Variants in EPB41L2 observed in about 807,000 individuals in gnomAD.
EPB41L2 encodes band 4.1-like protein 2.
Under a neutral mutation model 113.0 loss-of-function variants are expected in EPB41L2, and 43 were observed. That is an observed-to-expected ratio of 0.38 (90% confidence interval 0.30 to 0.49). The LOEUF (loss-of-function observed/expected upper bound fraction) is 0.49, where lower values mean the gene tolerates loss of function less well. EPB41L2 is among the 20% of genes least tolerant of loss of function. The probability of loss-of-function intolerance (pLI) is 0.95; values close to 1 mark genes in which losing one functional copy is unlikely to be tolerated. For synonymous variants in EPB41L2, 442 were observed against 436.7 expected, an observed-to-expected ratio of 1.01 and a Z score of -0.15; for missense variants, 1,147 against 1,223.4, an observed-to-expected ratio of 0.94 and a Z score of 0.93.
intron 1 of EPB41L2, chr6:131,013,650 T>C (rs1562732665): frequency 6.6e-6 from 1 of 152,218 alleles, no homozygotes; most frequent in African/African-American, 2.4e-5. Context: ...TCAGACCTTT[T>C]GGCAGCAACA....
chr6:131,037,361 T>C (rs1023259477), intron 1 of EPB41L2, among the ~76,000 whole-genome samples: 3 of 152,120 alleles, frequency 2.0e-5, no homozygotes, highest in Non-Finnish European at 4.4e-5. Flanking sequence ...TTAACGCTAC[T>C]TGTGGGAGTT....
At chr6:130,949,605 A>G (rs1050462092) in intron 3 of EPB41L2, among the ~76,000 whole-genome samples, 3 of 150,462 alleles carry the variant, frequency 2.0e-5, no homozygotes, top group Admixed American at 6.6e-5. Context: ...AGGAGGGAAG[A>G]GGAGGGGAGG....
intron 1 of EPB41L2, among the ~76,000 whole-genome samples, chr6:131,018,569 TC>T (rs1336176649): frequency 1.3e-5 from 2 of 152,202 alleles, no homozygotes; most frequent in Admixed American, 1.3e-4. Flanking sequence ...AATTTCTGAA[TC>T]CTTTTCTTTA....
At chr6:130,952,522 C>CT (rs1383222305) in intron 3 of EPB41L2, among the ~76,000 whole-genome samples, 1 of 151,980 alleles carries the variant, frequency 6.6e-6, no homozygotes, top group Non-Finnish European at 1.5e-5. Flanking sequence ...TTGGCAATGT[C>CT]TTAAATGTTC....
chr6:130,904,471 A>C lies in EPB41L2; in HGVS notation c.923T>G (p.Ile308Ser), dbSNP rs923502923. 6 of 1,582,634 alleles carry C rather than the reference A, an allele frequency of 3.8e-6. No homozygotes were observed. The highest frequency in any genetic ancestry group is 5.2e-6 in the Non-Finnish European group (6 of 1,159,020). Residue 308 changes from isoleucine to serine, a missense_variant, in exon 6 of 20, where the codon ATC becomes AGC. Physicochemically the swap from Ile to Ser is moderately radical, Grantham distance 142 (BLOSUM62 -2). Coordinates refer to ENST00000337057, the MANE Select transcript of EPB41L2 (RefSeq NM_001431.4). ...PPDPSQLTED[I>S]TRYFLCLQLR... ...AAATGCAAATATAAAGTACCTGGTGATATCTTCAGTCAATTGAGAAGGATC... is the reference window on the plus strand; with the variant it reads ...AAATGCAAATATAAAGTACCTGGTGCTATCTTCAGTCAATTGAGAAGGATC...
At chr6:131,011,143 G>A (rs965061721) in intron 1 of EPB41L2, among the ~76,000 whole-genome samples, 2 of 152,220 alleles carry the variant, frequency 1.3e-5, no homozygotes, top group Non-Finnish European at 2.9e-5. Flanking sequence ...TCATAGCCTA[G>A]TAAGGGACAC....
intron 14 of EPB41L2, among the ~76,000 whole-genome samples, chr6:130,871,440 T>G (rs1046928989): frequency 5.9e-5 from 9 of 152,176 alleles, no homozygotes; most frequent in Non-Finnish European, 1.3e-4. Context: ...GCCCTCTGGA[T>G]ATTGTTGTGA....
At chr6:130,905,250 T>C (rs1387629215) in intron 5 of EPB41L2, among the ~76,000 whole-genome samples, 1 of 152,160 alleles carries the variant, frequency 6.6e-6, no homozygotes, top group Non-Finnish European at 1.5e-5. Flanking sequence ...TTAACTGCTA[T>C]TTTGATAGAT....
At chr6:130,945,650 T>C (rs1812560751) in intron 3 of EPB41L2, among the ~76,000 whole-genome samples, 2 of 152,194 alleles carry the variant, frequency 1.3e-5, no homozygotes, top group Non-Finnish European at 2.9e-5. Flanking sequence ...TTATCAGTTG[T>C]AGTAAAACCA....
rs1790723455 is a variant in EPB41L2 at position 130,885,685 on chromosome 6, A to G, written c.1661-417T>C. ...AACAAATGATTATGCAATTATTAAGATGATTTGCTCCAATAAGTTTTAAGA... is the reference window on the plus strand; with the variant it reads ...AACAAATGATTATGCAATTATTAAGGTGATTTGCTCCAATAAGTTTTAAGA... On this transcript the variant is annotated intron_variant, in intron 11 of 19. Coordinates refer to ENST00000337057, the MANE Select transcript of EPB41L2 (RefSeq NM_001431.4). Among the ~76,000 whole-genome samples, 4 of 152,214 alleles carry G rather than the reference A, an allele frequency of 2.6e-5. No individual in the cohort carries two copies. The South Asian group carries it at 8.3e-4, about 32-fold the overall frequency.
intron 2 of EPB41L2, among the ~76,000 whole-genome samples, chr6:130,955,654 G>A (rs1817207184): frequency 6.6e-6 from 1 of 152,134 alleles, no homozygotes; most frequent in Non-Finnish European, 1.5e-5. Context: ...CAACTAAAAT[G>A]CGCACACACA....
chr6:130,983,953 C>T (rs1779949074), intron 1 of EPB41L2, among the ~76,000 whole-genome samples: 2 of 152,114 alleles, frequency 1.3e-5, no homozygotes, highest in Non-Finnish European at 2.9e-5. Context: ...AGCTTTTTTA[C>T]TCTTGTAACA....
At chr6:130,886,394 G>A (rs189593082) in intron 11 of EPB41L2, among the ~76,000 whole-genome samples, 16 of 152,166 alleles carry the variant, frequency 1.1e-4, no homozygotes, top group South Asian at 2.1e-4. Context: ...AACTGGGAAC[G>A]TGAACATCTT....
At chr6:131,024,872 A>C (rs73774381) in intron 1 of EPB41L2, among the ~76,000 whole-genome samples, 3,669 of 152,202 alleles carry the variant, frequency 0.024, 163 homozygotes, top group African/African-American at 0.084. Flanking sequence ...TTTAACATTA[A>C]ATCTTCTCTT....
chr6:130,984,398 T>C (rs1780048179), intron 1 of EPB41L2, among the ~76,000 whole-genome samples: 1 of 152,228 alleles, frequency 6.6e-6, no homozygotes, highest in Non-Finnish European at 1.5e-5. Flanking sequence ...GCTAGATCTT[T>C]ATGTGATTGG....
At chr6:130,895,652 C>T (rs1794428743) in intron 8 of EPB41L2, among the ~76,000 whole-genome samples, 2 of 152,204 alleles carry the variant, frequency 1.3e-5, no homozygotes, top group South Asian at 4.1e-4. Flanking sequence ...TCCAGGCTGA[C>T]AGTGCTGAAA....
chr6:131,034,625 C>T, intron 1 of EPB41L2, among the ~76,000 whole-genome samples: 1 of 152,228 alleles, frequency 6.6e-6, no homozygotes, highest in Non-Finnish European at 1.5e-5. Flanking sequence ...ACTCAGGTCT[C>T]TTATCCCTAG....
At chr6:130,897,966 A>G (rs1314053415) in intron 8 of EPB41L2, among the ~76,000 whole-genome samples, 4 of 152,068 alleles carry the variant, frequency 2.6e-5, no homozygotes, top group African/African-American at 9.7e-5. Flanking sequence ...TAGTGGTTAA[A>G]AATGATGCTG....
At chr6:130,867,685 C>G in intron 15 of EPB41L2, 104 bp from the exon 16 acceptor site, 2 of 1,399,354 alleles carry the variant, frequency 1.4e-6, no homozygotes, top group South Asian at 1.2e-5. Flanking sequence ...CAAACACACA[C>G]TCATGCACAA....
Sources: allele counts gnomAD v4.1 joint callset (sites outside exome capture counted in the v4.1 genomes callset), GRCh38; gene constraint gnomAD v4.1.1; transcripts MANE v1.5; gene names NCBI Gene and HGNC (gene_info 2026-07-23, HGNC 2026-07-21).